Variants in CERS6 observed in about 807,000 individuals in gnomAD.
CERS6 encodes the protein ceramide synthase 6.
Under a neutral mutation model 56.8 loss-of-function variants are expected in CERS6, and 26 were observed. The observed-to-expected ratio is 0.46, with a 90% CI of 0.34 to 0.63. The LOEUF (loss-of-function observed/expected upper bound fraction) is 0.63. Ranked by LOEUF, CERS6 falls within the 30% of genes least tolerant of loss-of-function variation. The pLI, the probability that CERS6 is intolerant of heterozygous loss-of-function variation, is 0.01. For missense variants in CERS6, 415 were observed against 467.5 expected (o/e 0.89, Z 1.04); for synonymous variants, 164 against 173.3 (o/e 0.95, Z 0.42).
chr2:168,630,332 A>G (rs2105294751), intron 3 of CERS6, among the ~76,000 whole-genome samples: 1 of 149,688 alleles, frequency 6.7e-6, no homozygotes, highest in Middle Eastern at 3.4e-3. Context: ...ACACACGCAC[A>G]CATCTTATAT....
Position 168,702,449 on chromosome 2 carries a change from G to C in CERS6, c.609+7398G>C, listed in dbSNP as rs148330622. ...AAGAAAGCAACTGACATTATTTGTG[G>C]TCAGTGATAAAACTCAAGCTTTCAA... On this transcript the variant is annotated intron_variant, in intron 6 of 9. Coordinates refer to ENST00000305747, the MANE Select transcript of CERS6 (RefSeq NM_203463.3). 2.6e-5 allele frequency among the ~76,000 whole-genome samples: 4 copies of C among 152,270 alleles called. No individual in the cohort carries two copies. In the East Asian group the frequency reaches 7.7e-4, roughly 29 times the overall value.
chr2:168,470,062 G>A (rs1025146324), intron 1 of CERS6, among the ~76,000 whole-genome samples: 2 of 151,976 alleles, frequency 1.3e-5, no homozygotes, highest in Admixed American at 6.6e-5. Flanking sequence ...TGAAACAGCT[G>A]GTCACTCTAC....
chr2:168,494,828 A>G (rs1694437450), intron 1 of CERS6, among the ~76,000 whole-genome samples: 2 of 152,134 alleles, frequency 1.3e-5, no homozygotes, highest in Non-Finnish European at 2.9e-5. Context: ...GGCAATCTTC[A>G]TTTAACCCAA....
At chr2:168,709,761 C>A (rs985962618) in intron 6 of CERS6, among the ~76,000 whole-genome samples, 11 of 152,136 alleles carry the variant, frequency 7.2e-5, no homozygotes, top group Non-Finnish European at 4.4e-5. Flanking sequence ...TAATCACTTT[C>A]AGCAGTTGCA....
intron 3 of CERS6, among the ~76,000 whole-genome samples, chr2:168,584,301 G>A (rs960867250): frequency 1.3e-5 from 2 of 152,176 alleles, no homozygotes; most frequent in Middle Eastern, 3.2e-3. Flanking sequence ...CAATTCCCAT[G>A]TTTTTGCTGT....
At chr2:168,567,169 G>T (rs953088101) in intron 3 of CERS6, among the ~76,000 whole-genome samples, 1 of 152,164 alleles carries the variant, frequency 6.6e-6, no homozygotes, top group Non-Finnish European at 1.5e-5. Context: ...GGTGATAGTT[G>T]TGGTTATTTT....
At chr2:168,546,638 A>G (rs1173478070) in intron 1 of CERS6, among the ~76,000 whole-genome samples, 1 of 152,178 alleles carries the variant, frequency 6.6e-6, no homozygotes, top group Non-Finnish European at 1.5e-5. Context: ...TCTGTTTTGC[A>G]TATTTATCAA....
At chr2:168,513,254 C>G (rs1012584407) in intron 1 of CERS6, among the ~76,000 whole-genome samples, 1 of 152,182 alleles carries the variant, frequency 6.6e-6, no homozygotes, top group Non-Finnish European at 1.5e-5. Flanking sequence ...TAACCTCTTA[C>G]ATTAATGTAG....
chr2:168,552,659 A>G lies in CERS6; in HGVS notation c.276+4958A>G, dbSNP rs374794617. 2.6e-5 allele frequency among the ~76,000 whole-genome samples: 4 copies of G among 152,304 alleles called. No homozygotes were observed. In the East Asian group the frequency reaches 5.8e-4, roughly 22 times the overall value. On this transcript the variant is annotated intron_variant, in intron 2 of 9. Transcript: ENST00000305747. Reference sequence around the variant, plus strand: ...TGTTTGCAACAATAGGTGCAGGAACAGGTGAGCCAGGCTGGCAAGAGTGGA... The same window carrying G: ...TGTTTGCAACAATAGGTGCAGGAACGGGTGAGCCAGGCTGGCAAGAGTGGA...
chr2:168,459,768 T>C (rs570740431), intron 1 of CERS6, among the ~76,000 whole-genome samples: 2 of 152,374 alleles, frequency 1.3e-5, no homozygotes, highest in South Asian at 2.1e-4. Context: ...ATGAATTTTC[T>C]TGATTTAATG....
intron 1 of CERS6, among the ~76,000 whole-genome samples, chr2:168,495,224 A>G (rs1195379733): frequency 6.6e-6 from 1 of 152,228 alleles, no homozygotes; most frequent in Admixed American, 6.5e-5. Context: ...ATAGCAGTTT[A>G]TTGATAGAGC....
intron 1 of CERS6, among the ~76,000 whole-genome samples, chr2:168,484,169 T>G (rs1317741421): frequency 2.4e-3 from 38 of 15,852 alleles, no homozygotes; most frequent in Non-Finnish European, 3.1e-3. Context: ...TTTTTTCTGT[T>G]TTTTTTTTTT....
At chr2:168,601,872 C>T (rs1230055697) in intron 3 of CERS6, among the ~76,000 whole-genome samples, 1 of 152,070 alleles carries the variant, frequency 6.6e-6, no homozygotes, top group Non-Finnish European at 1.5e-5. Flanking sequence ...TCTTAATACC[C>T]TTAAAAAACA....
chr2:168,525,941 C>T (rs2105359148), intron 1 of CERS6, among the ~76,000 whole-genome samples: 1 of 152,232 alleles, frequency 6.6e-6, no homozygotes, highest in East Asian at 1.9e-4. Context: ...TATTTACTTG[C>T]ACATTTGGTT....
chr2:168,521,504 G>A (rs1303657920), intron 1 of CERS6, among the ~76,000 whole-genome samples: 2 of 152,176 alleles, frequency 1.3e-5, no homozygotes, highest in African/African-American at 4.8e-5. Context: ...AGAAGAGGAG[G>A]AGGGGAGGGA....
intron 3 of CERS6, among the ~76,000 whole-genome samples, chr2:168,598,776 C>T (rs1442610035): frequency 6.6e-6 from 1 of 152,062 alleles, no homozygotes; most frequent in Admixed American, 6.6e-5. Context: ...AAAGTGGTGT[C>T]AAATATTGCG....
chr2:168,496,337 G>A (rs1694467799), intron 1 of CERS6, among the ~76,000 whole-genome samples: 1 of 150,482 alleles, frequency 6.6e-6, no homozygotes, highest in African/African-American at 2.4e-5. Context: ...TGGAAGTCAT[G>A]ATTTTTTTTT....
At chr2:168,536,767 G>C (rs1695271412) in intron 1 of CERS6, among the ~76,000 whole-genome samples, 1 of 151,972 alleles carries the variant, frequency 6.6e-6, no homozygotes, top group South Asian at 2.1e-4. Context: ...TAGCATGTGG[G>C]GGAGGGATAG....
chr2:168,733,985 C>A (rs115396684), intron 8 of CERS6, among the ~76,000 whole-genome samples: 242 of 152,210 alleles, frequency 1.6e-3, no homozygotes, highest in Non-Finnish European at 2.6e-3. Flanking sequence ...AATTACCAGT[C>A]GCTGTGAAAT....
Sources: allele counts gnomAD v4.1 joint callset (sites outside exome capture counted in the v4.1 genomes callset), GRCh38; gene constraint gnomAD v4.1.1; transcripts MANE v1.5; gene names NCBI Gene and HGNC (gene_info 2026-07-23, HGNC 2026-07-21).